Variants in NDUFS6 observed in about 807,000 individuals in gnomAD.
NDUFS6 encodes NADH:ubiquinone oxidoreductase subunit S6, also known as NADH dehydrogenase [ubiquinone] iron-sulfur protein 6, mitochondrial.
In NDUFS6, 14 loss-of-function variants were observed where a neutral mutation model predicts 13.2. The ratio of observed to expected loss-of-function variants is 1.06; its 90% CI spans 0.70 to 1.66. The LOEUF (loss-of-function observed/expected upper bound fraction) is 1.66, where lower values mean the gene tolerates loss of function less well. Ranked by LOEUF, NDUFS6 falls within the 40% of genes most tolerant of loss-of-function variation. The probability of loss-of-function intolerance (pLI) is 0.00; values close to 1 mark genes in which losing one functional copy is unlikely to be tolerated. For missense variants in NDUFS6, 206 were observed against 170.8 expected (o/e 1.21, Z -1.15); for synonymous variants, 95 against 72.3 (o/e 1.31, Z -1.60).
chr5:1,807,147 G>C (rs1395910894), intron 2 of NDUFS6, among the ~76,000 whole-genome samples: 1 of 152,046 alleles, frequency 6.6e-6, no homozygotes, highest in Non-Finnish European at 1.5e-5. Flanking sequence ...GTACTCAGAG[G>C]TACTGCGTGA....
rs755222875 is a variant in NDUFS6 at position 1,801,448 on chromosome 5, C to T, written c.31C>T (p.Leu11=). The change falls in exon 1 of 4, where the codon CTG becomes TTG. Residue 11 remains leucine (L), a synonymous_variant. Transcript: ENST00000274137. ...GGCGGCGATGACCTTCTGCCGGCTG[C>T]TGAACCGGTGTGGCGAGGCGGCGCG... MAAAMTFCRL[L]NRCGEAARSL... 5 of 1,605,116 alleles carry T rather than the reference C, an allele frequency of 3.1e-6. No homozygotes were observed. Among genetic ancestry groups the T allele is most frequent in the East Asian group, 2.2e-5 (1 of 44,798 alleles).
Position 1,804,985 on chromosome 5 carries a change from C to T in NDUFS6, c.186+2611C>T, listed in dbSNP as rs534575069. ...TGTTCATCCCTCCCTCTGCCCAACC[C>T]CTGGCAGCCCCTGATCGTACTGTCC... On this transcript the variant is annotated intron_variant, in intron 2 of 3. Coordinates refer to ENST00000274137, the MANE Select transcript of NDUFS6 (RefSeq NM_004553.6). 1.3e-4 allele frequency among the ~76,000 whole-genome samples: 20 copies of T among 152,288 alleles called. No homozygotes were observed. In the South Asian group the frequency reaches 4.2e-3, roughly 32 times the overall value.
In NDUFS6 at chr5:1,815,879, G is replaced by A; in HGVS notation, c.338G>A (p.Gly113Asp). The A allele has an allele frequency of 1.9e-6, 3 of 1,614,260 alleles. No individual in the cohort carries two copies. Among genetic ancestry groups the A allele is most frequent in the Non-Finnish European group, 2.5e-6 (3 of 1,180,048 alleles). Residue 113 changes from glycine to aspartate, a missense_variant, in exon 4 of 4, where the codon GGT (glycine) becomes GAT (aspartate). By Grantham distance (94) the Gly-to-Asp change is moderately conservative. Coordinates refer to ENST00000274137, the MANE Select transcript of NDUFS6 (RefSeq NM_004553.6). ...LDKETKTGTC[G>D]YCGLQFRQHH... is the part of the protein sequence containing the mutation. ...AAAGAAACAAAAACCGGCACATGCG[G>A]TTACTGTGGGCTCCAGTTCAGACAG...
intron 2 of NDUFS6, among the ~76,000 whole-genome samples, chr5:1,804,648 T>C (rs1734097009): frequency 6.6e-6 from 1 of 152,368 alleles, no homozygotes; most frequent in Non-Finnish European, 1.5e-5. Context: ...TTTAGTACTA[T>C]TTTTAGTAGT....
rs578101950 is a variant in NDUFS6 at position 1,809,837 on chromosome 5, C to G, written c.187-4502C>G. Among the ~76,000 whole-genome samples the G allele has an allele frequency of 1.4e-4, 21 of 152,380 alleles. No homozygotes were observed. The South Asian group carries it at 4.3e-3, about 32-fold the overall frequency. ...CTGTAAGGCGCTGCGACAAGGCGAG[C>G]CGCCGGGCCGGCAGCAGAGGCTTGT... On this transcript the variant is annotated intron_variant, in intron 2 of 3. Coordinates refer to ENST00000274137, the MANE Select transcript of NDUFS6 (RefSeq NM_004553.6).
At chr5:1,807,201 A>AGGTACTCAGAGGTACTGCGTGAGGT (rs1437218968) in intron 2 of NDUFS6, among the ~76,000 whole-genome samples, 9 of 151,156 alleles carry the variant, frequency 6.0e-5, no homozygotes, top group Non-Finnish European at 7.4e-5. Flanking sequence ...GTACTGTGTG[A>AGGTACTCAGAGGTACTGCGTGAGGT]ACACTGTGTG....
Position 1,814,098 on chromosome 5 carries a change from G to T in NDUFS6, c.187-241G>T, listed in dbSNP as rs1360496022. ...ATTTGCTGGGTCCACGGGGACAGAAGGGAAAGGCTCTGTGCTGCTGGGATT... is the reference window on the plus strand; with the variant it reads ...ATTTGCTGGGTCCACGGGGACAGAATGGAAAGGCTCTGTGCTGCTGGGATT... On this transcript the variant is annotated intron_variant, in intron 2 of 3. Coordinates refer to ENST00000274137, the MANE Select transcript of NDUFS6 (RefSeq NM_004553.6). This position sits in a 1 kb window ranked among gnomAD's most constrained non-coding sequence, Gnocchi z 4.9. Among the ~76,000 whole-genome samples, 2 of 152,230 alleles carry T rather than the reference G, an allele frequency of 1.3e-5. No individual in the cohort carries two copies. Among genetic ancestry groups the T allele is most frequent in the East Asian group, 3.8e-4 (2 of 5,202 alleles).
At chr5:1,803,912 G>T (rs1455762857) in intron 2 of NDUFS6, among the ~76,000 whole-genome samples, 2 of 152,238 alleles carry the variant, frequency 1.3e-5, no homozygotes, top group East Asian at 1.9e-4. Context: ...GTTTCTTTTG[G>T]CAGTGATCGT....
Position 1,814,380 on chromosome 5 carries a change from C to T in NDUFS6, c.228C>T (p.Pro76=), listed in dbSNP as rs1354538896. Residue 76 remains proline, a synonymous_variant, in exon 3 of 4, where the codon CCC becomes CCT. Coordinates refer to ENST00000274137, the MANE Select transcript of NDUFS6 (RefSeq NM_004553.6). This position sits in a 1 kb window ranked among gnomAD's most constrained non-coding sequence, Gnocchi z 4.9. The part of the protein sequence containing the change: ...NFAIDLIAEQ[P]VSEVETRVIA... ...CCATTGATTTGATAGCAGAGCAGCCCGTGAGCGAGGTGGAGACTCGGGTGA... is the reference window on the plus strand; with the variant it reads ...CCATTGATTTGATAGCAGAGCAGCCTGTGAGCGAGGTGGAGACTCGGGTGA... The T allele has an allele frequency of 9.3e-6, 15 of 1,614,046 alleles. No individual in the cohort carries two copies. Among genetic ancestry groups the T allele is most frequent in the South Asian group, 4.4e-5 (4 of 91,074 alleles).
chr5:1,804,924 C>T (rs536752306), intron 2 of NDUFS6, among the ~76,000 whole-genome samples: 2 of 152,268 alleles, frequency 1.3e-5, no homozygotes, highest in South Asian at 4.1e-4. Flanking sequence ...AGTGTTGTAC[C>T]GAGTTCACTG....
At chr5:1,809,874 G>T (rs1401617449) in intron 2 of NDUFS6, among the ~76,000 whole-genome samples, 3 of 152,254 alleles carry the variant, frequency 2.0e-5, no homozygotes, top group African/African-American at 7.2e-5. Context: ...TTGCTGGAGC[G>T]TGTGGAACAA....
At chr5:1,808,711 A>AGGG (rs1734165489) in intron 2 of NDUFS6, among the ~76,000 whole-genome samples, 1 of 152,268 alleles carries the variant, frequency 6.6e-6, no homozygotes, top group Non-Finnish European at 1.5e-5. Context: ...CATGTTGTAC[A>AGGG]GACAGCTCAA....
At chr5:1,806,035 T>C (rs963167076) in intron 2 of NDUFS6, among the ~76,000 whole-genome samples, 21 of 152,270 alleles carry the variant, frequency 1.4e-4, no homozygotes, top group Non-Finnish European at 5.9e-5. Flanking sequence ...CTTACTCTGC[T>C]GCTGCCTTCG....
Position 1,814,186 on chromosome 5 carries a change from C to G in NDUFS6, c.187-153C>G, listed in dbSNP as rs989033306. Among the ~76,000 whole-genome samples the G allele has an allele frequency of 6.6e-6, 1 of 152,158 alleles. No individual in the cohort carries two copies. Among genetic ancestry groups the G allele is most frequent in the Non-Finnish European group, 1.5e-5 (1 of 68,028 alleles). ...TGAAAAGTAGATGTGTGTGTAGGCC[C>G]TGAATTTAATAAGGTCTACAATGAT... On this transcript the variant is annotated intron_variant, in intron 2 of 3. Transcript: ENST00000274137. The surrounding 1 kb of genome is among the most constrained non-coding windows in gnomAD (Gnocchi z 4.9).
At chr5:1,805,703 G>A (rs1227448987) in intron 2 of NDUFS6, among the ~76,000 whole-genome samples, 4 of 152,216 alleles carry the variant, frequency 2.6e-5, no homozygotes, top group Admixed American at 6.5e-5. Flanking sequence ...CTTTATAGTC[G>A]TACAAGTAAA....
chr5:1,813,659 G>A (rs1376471223), intron 2 of NDUFS6, among the ~76,000 whole-genome samples: 6 of 152,142 alleles, frequency 3.9e-5, no homozygotes, highest in Non-Finnish European at 8.8e-5. Context: ...CAAGCAGGAC[G>A]TGAAGTTACC....
At position 1,807,224 on chromosome 5, in the gene NDUFS6, C is replaced by G. The variant is rs549205943; in HGVS notation, c.186+4850C>G. Among the ~76,000 whole-genome samples, 3 of 69,688 alleles carry G rather than the reference C, an allele frequency of 4.3e-5. No individual in the cohort carries two copies. The South Asian group carries it at 1.5e-3, about 34-fold the overall frequency. The allele number at this position is 69,688 out of a possible 152,430, so 45.7% of individuals were successfully genotyped here. A position where few individuals can be genotyped will look rare whatever the true frequency, so the allele number is the denominator to read the frequency against. On this transcript the variant is annotated intron_variant, in intron 2 of 3. Transcript: ENST00000274137. ...TGAACACTGTGTGATTCCTCTGATA[C>G]GGGGGACCAGAACAGTCGCTTCTTA... is the stretch of plus-strand genomic sequence containing the variant.
rs1734044241 is a variant in NDUFS6 at position 1,801,631 on chromosome 5, C to T, written c.132+82C>T. On this transcript the variant is annotated intron_variant, in intron 1 of 3. Coordinates refer to ENST00000274137, the MANE Select transcript of NDUFS6 (RefSeq NM_004553.6). ...TGGCAGTGGGCTCGCCGGGCATCCG[C>T]GGCCCTGGTTCTGCGCCGGCAGCGC... is the stretch of plus-strand genomic sequence containing the variant. 8 of 1,503,754 alleles carry T rather than the reference C, an allele frequency of 5.3e-6. No homozygotes were observed. In the East Asian group the frequency reaches 2.0e-4, roughly 38 times the overall value. 93.2% of individuals were successfully genotyped at this position (1,503,754 alleles called of 1,614,324 possible). A position where few individuals can be genotyped will look rare whatever the true frequency, so the allele number is the denominator to read the frequency against.
chr5:1,815,772 A>G (rs1734298562), intron 3 of NDUFS6, 79 bp from the exon 4 acceptor site: 1 of 1,394,946 alleles, frequency 7.2e-7, no homozygotes, highest in South Asian at 1.2e-5. Flanking sequence ...TAAGTTTTAT[A>G]CATACATTTT....
Sources: gnomAD v4.1 joint callset for allele counts (sites outside exome capture counted in the v4.1 genomes callset) on GRCh38, gnomAD v4.1.1 for gene constraint, Gnocchi (gnomAD v3.1) non-coding constraint, MANE v1.5 for transcripts, NCBI Gene and HGNC (gene_info 2026-07-23, HGNC 2026-07-21) for gene names.